The following CHERP variants were observed in gnomAD, a reference collection of about 807,000 sequenced individuals.
CHERP encodes the protein calcium homeostasis endoplasmic reticulum protein, also known as ERPROT 213-21.
Under a neutral mutation model 113.8 loss-of-function variants are expected in CHERP, and 8 were observed. The ratio of observed to expected loss-of-function variants is 0.07; its 90% CI spans 0.04 to 0.13. CHERP has a LOEUF of 0.13. CHERP is among the 10% of genes least tolerant of loss of function. CHERP has a pLI of 1.00. For missense variants in CHERP, 884 were observed against 1,298.2 expected (o/e 0.68, Z 4.90); for synonymous variants, 559 against 524.5 (o/e 1.07, Z -0.90).
At chr19:16,538,789 G>A (rs971818926) in intron 2 of CHERP, among the ~76,000 whole-genome samples, 13 of 137,944 alleles carry the variant, frequency 9.4e-5, no homozygotes, top group African/African-American at 2.7e-4. Flanking sequence ...CCACCCCCCC[G>A]CCCCAGAAAG....
Position 16,525,216 on chromosome 19 carries a change from C to T in CHERP, c.1741+26G>A, listed in dbSNP as rs1213190314. 4 of 1,407,446 alleles carry T rather than the reference C, an allele frequency of 2.8e-6. No homozygotes were observed. Among genetic ancestry groups the T allele is most frequent in the East Asian group, 5.7e-5 (2 of 35,380 alleles). The allele number at this position is 1,407,446 out of a possible 1,614,324, so 87.2% of individuals were successfully genotyped here. A position where few individuals can be genotyped will look rare whatever the true frequency, so the allele number is the denominator to read the frequency against. On this transcript the variant is annotated intron_variant, in intron 10 of 16. Coordinates refer to ENST00000546361, the MANE Select transcript of CHERP (RefSeq NM_006387.6). This position sits in a 1 kb window ranked among gnomAD's most constrained non-coding sequence, Gnocchi z 6.5. ...GCGAGCCGTGGATGCCTCCGCCAGG[C>T]CCTACCCAGGCGCCCGTACACTCAC...
At position 16,520,640 on chromosome 19, in the gene CHERP, G is replaced by C. The variant is rs566239177; in HGVS notation, c.2202-133C>G. 3 of 1,209,816 alleles carry C rather than the reference G, an allele frequency of 2.5e-6. No individual in the cohort carries two copies. The East Asian group carries it at 7.0e-5, about 28-fold the overall frequency. The allele number at this position is 1,209,816 out of a possible 1,614,324, so 74.9% of individuals were successfully genotyped here. A position where few individuals can be genotyped will look rare whatever the true frequency, so the allele number is the denominator to read the frequency against. ...GATGTGGCGCCATAGCCACAGCAAC[G>C]GTACCAAGTTCCTAAATAGTGTGGC... On this transcript the variant is annotated intron_variant, in intron 13 of 16. Coordinates refer to ENST00000546361, the MANE Select transcript of CHERP (RefSeq NM_006387.6). This position sits in a 1 kb window ranked among gnomAD's most constrained non-coding sequence, Gnocchi z 4.0.
At chr19:16,534,535 G>A (rs2122278711) in intron 3 of CHERP, among the ~76,000 whole-genome samples, 1 of 152,186 alleles carries the variant, frequency 6.6e-6, no homozygotes, top group Non-Finnish European at 1.5e-5. Context: ...GGAGTGCAGT[G>A]GTGCAATCTC....
rs1388754738 is a variant in CHERP at position 16,519,017 on chromosome 19, G to A, written c.*142C>T. 2 of 798,842 alleles carry A rather than the reference G, an allele frequency of 2.5e-6. No individual in the cohort carries two copies. Among genetic ancestry groups the A allele is most frequent in the Non-Finnish European group, 3.9e-6 (2 of 513,042 alleles). The allele number at this position is 798,842 out of a possible 1,614,324, so 49.5% of individuals were successfully genotyped here. On this transcript the variant is annotated 3_prime_UTR_variant, in exon 17 of 17. Transcript: ENST00000546361. This position sits in a 1 kb window ranked among gnomAD's most constrained non-coding sequence, Gnocchi z 6.0. ...CGGCGTTCCCACTGGGCATGCGCTG[G>A]TCTTCCTTCTCTTCCTGTGGCTCTC...
Position 16,520,596 on chromosome 19 carries a change from T to C in CHERP, c.2202-89A>G. The C allele has an allele frequency of 7.0e-7, 1 of 1,438,306 alleles. No homozygotes were observed. 89.1% of individuals were successfully genotyped at this position (1,438,306 alleles called of 1,614,324 possible). A position where few individuals can be genotyped will look rare whatever the true frequency, so the allele number is the denominator to read the frequency against. On this transcript the variant is annotated intron_variant, in intron 13 of 16. Coordinates refer to ENST00000546361, the MANE Select transcript of CHERP (RefSeq NM_006387.6). The surrounding 1 kb of genome is among the most constrained non-coding windows in gnomAD (Gnocchi z 4.0). ...CCTCAGGTTCCTAGACCACCCCAGATGCAGGGGCTCTGGCTGTGGATGTGG... is the reference window on the plus strand; with the variant it reads ...CCTCAGGTTCCTAGACCACCCCAGACGCAGGGGCTCTGGCTGTGGATGTGG...
In CHERP at chr19:16,518,023, AT is replaced by A. The variant is rs1285591464; in HGVS notation, c.*1135del. On this transcript the variant is annotated 3_prime_UTR_variant, in exon 17 of 17. Coordinates refer to ENST00000546361, the MANE Select transcript of CHERP (RefSeq NM_006387.6). The stretch of plus-strand genomic sequence containing the variant: ...ACAGCTACAGGAAATCTAGAACAAA[AT>A]CAAATATTCATCACGTTGGGTTGAA... The A allele has an allele frequency of 6.6e-6, 1 of 152,242 alleles. No homozygotes were observed. The highest frequency in any genetic ancestry group is 1.5e-5 in the Non-Finnish European group (1 of 68,050). The allele number at this position is 152,242 out of a possible 1,614,324, so 9.4% of individuals were successfully genotyped here. A position where few individuals can be genotyped will look rare whatever the true frequency, so the allele number is the denominator to read the frequency against.
chr19:16,524,973 C>A (rs917144474), intron 10 of CHERP, among the ~76,000 whole-genome samples: 1 of 152,186 alleles, frequency 6.6e-6, no homozygotes, highest in Non-Finnish European at 1.5e-5. Context: ...AGGCCCCGCC[C>A]TGCCCTCGCC....
chr19:16,522,127 G>C (rs892988832), intron 11 of CHERP, among the ~76,000 whole-genome samples: 1 of 151,972 alleles, frequency 6.6e-6, no homozygotes, highest in Non-Finnish European at 1.5e-5. Context: ...CTGGGCCCCC[G>C]CCCGCAGCTC....
intron 9 of CHERP, among the ~76,000 whole-genome samples, chr19:16,527,010 T>C (rs2085661594): frequency 6.6e-6 from 1 of 152,184 alleles, no homozygotes; most frequent in South Asian, 2.1e-4. Flanking sequence ...CTTCCTGCCT[T>C]GAGAAATTAC....
intron 11 of CHERP, 87 bp from the exon 12 acceptor site, chr19:16,521,741 G>C (rs530212877): frequency 1.5e-6 from 2 of 1,324,228 alleles, no homozygotes; most frequent in African/African-American, 3.0e-5. Flanking sequence ...GGTCAGGGCA[G>C]GGCCCAGGTT....
In CHERP at chr19:16,520,455, G is replaced by A. The variant is rs759325137; in HGVS notation, c.2254C>T (p.Arg752Cys). The A allele has an allele frequency of 4.3e-6, 7 of 1,613,980 alleles. No homozygotes were observed. Among genetic ancestry groups the A allele is most frequent in the African/African-American group, 2.7e-5 (2 of 74,918 alleles). The stretch of plus-strand genomic sequence containing the variant: ...GACTTGGAGGATCTTGAGTTGGAGC[G>A]GGAGGAAGAACGCCCTCGACTCTTG... ...RSKSRGRSSS[R>C]SNSRSSKSSG... Residue 752 changes from arginine to cysteine, a missense_variant, in exon 14 of 17, where the codon CGC becomes TGC. Transcript: ENST00000546361. This position sits in a 1 kb window ranked among gnomAD's most constrained non-coding sequence, Gnocchi z 4.0.
Position 16,525,777 on chromosome 19 carries a change from G to C in CHERP, c.1306-100C>G, listed in dbSNP as rs2085653983. 8.5e-7 allele frequency: 1 copy of C among 1,178,828 alleles called. No homozygotes were observed. The highest frequency in any genetic ancestry group is 1.1e-6 in the Non-Finnish European group (1 of 880,870). The allele number at this position is 1,178,828 out of a possible 1,614,324, so 73.0% of individuals were successfully genotyped here. ...GCATCACAGCGCTGGCTCAGACCATGGAGGCGCTGCCCTGGCCACGTTGAG... is the reference window on the plus strand; with the variant it reads ...GCATCACAGCGCTGGCTCAGACCATCGAGGCGCTGCCCTGGCCACGTTGAG... On this transcript the variant is annotated intron_variant, in intron 9 of 16. Transcript: ENST00000546361. The surrounding 1 kb of genome is among the most constrained non-coding windows in gnomAD (Gnocchi z 6.5).
chr19:16,526,745 C>T (rs2085660251), intron 9 of CHERP, among the ~76,000 whole-genome samples: 1 of 151,608 alleles, frequency 6.6e-6, no homozygotes, highest in Admixed American at 6.6e-5. Flanking sequence ...GGATTACAGG[C>T]GTTAGCCACC....
intron 2 of CHERP, among the ~76,000 whole-genome samples, chr19:16,537,413 G>C (rs1011257707): frequency 1.3e-5 from 2 of 152,002 alleles, no homozygotes; most frequent in Admixed American, 6.6e-5. Context: ...CTGTGGCTGC[G>C]ATTGTGCATG....
At position 16,520,384 on chromosome 19, in the gene CHERP, G is replaced by C; in HGVS notation, c.2325C>G (p.Ser775=). The C allele has an allele frequency of 6.2e-7, 1 of 1,614,080 alleles. No individual in the cohort carries two copies. Among genetic ancestry groups the C allele is most frequent in the Non-Finnish European group, 8.5e-7 (1 of 1,179,994 alleles). ...CCTACCTAGATCTGGAGCGGGAGTA[G>C]GAACGGGAGCAGGAGCGCGACCTTG... ...SRSRSRSCSR[S]YSRSRSRSRS... The change falls in exon 14 of 17, where the codon TCC becomes TCG. Residue 775 remains serine (S), a synonymous_variant. Transcript: ENST00000546361. This position sits in a 1 kb window ranked among gnomAD's most constrained non-coding sequence, Gnocchi z 4.0.
In CHERP at chr19:16,530,949, G is replaced by T. The variant is rs986347421; in HGVS notation, c.675-69C>A. On this transcript the variant is annotated intron_variant, in intron 5 of 16. Coordinates refer to ENST00000546361, the MANE Select transcript of CHERP (RefSeq NM_006387.6). This position sits in a 1 kb window ranked among gnomAD's most constrained non-coding sequence, Gnocchi z 4.1. ...ACCCGGCCACGCGCCCGTTACCATC[G>T]CGGCTCCAGCCTCAGCGCCCTCTGC... The T allele has an allele frequency of 5.1e-6, 8 of 1,573,596 alleles. No homozygotes were observed. The highest frequency in any genetic ancestry group is 3.4e-6 in the Non-Finnish European group (4 of 1,163,648).
chr19:16,524,943 C>G (rs1302075956), intron 10 of CHERP, among the ~76,000 whole-genome samples: 1 of 152,020 alleles, frequency 6.6e-6, no homozygotes, highest in Non-Finnish European at 1.5e-5. Flanking sequence ...AAAAAACAAG[C>G]AGCAGCAGTA....
Position 16,535,419 on chromosome 19 carries a change from T to C in CHERP, c.384+33A>G. 6.3e-7 allele frequency: 1 copy of C among 1,595,970 alleles called. No individual in the cohort carries two copies. Among genetic ancestry groups the C allele is most frequent in the Non-Finnish European group, 8.5e-7 (1 of 1,172,056 alleles). On this transcript the variant is annotated intron_variant, in intron 3 of 16. Coordinates refer to ENST00000546361, the MANE Select transcript of CHERP (RefSeq NM_006387.6). This position sits in a 1 kb window ranked among gnomAD's most constrained non-coding sequence, Gnocchi z 4.3. ...AAAAACAGAGGCACAGGGGAGCTGC[T>C]GGTGTCTGGCCGAGGAGGCGGCGGG...
At chr19:16,524,966 C>A (rs943795135) in intron 10 of CHERP, among the ~76,000 whole-genome samples, 2 of 152,236 alleles carry the variant, frequency 1.3e-5, no homozygotes, top group Admixed American at 1.3e-4. Flanking sequence ...AAGAACGAGG[C>A]CCCGCCCTGC....
Sources: allele counts gnomAD v4.1 joint callset (sites outside exome capture counted in the v4.1 genomes callset), GRCh38; gene constraint gnomAD v4.1.1; non-coding constraint Gnocchi (gnomAD v3.1); transcripts MANE v1.5; gene names NCBI Gene and HGNC (gene_info 2026-07-23, HGNC 2026-07-21).